Variants in CCDC102B observed in about 807,000 individuals in gnomAD.
CCDC102B encodes coiled-coil domain containing 102B, also known as coiled-coil domain-containing protein 102B.
In CCDC102B, 75 loss-of-function variants were observed where a neutral mutation model predicts 57.4. That is an observed-to-expected ratio of 1.31 (90% CI 1.08 to 1.58). The LOEUF is 1.58. Ranked by LOEUF, CCDC102B falls within the 40% of genes most tolerant of loss-of-function variation. CCDC102B has a pLI of 0.00. For synonymous variants in CCDC102B, 206 were observed against 201.9 expected, an observed-to-expected ratio of 1.02 and a Z score of -0.17; for missense variants, 636 against 582.6, an observed-to-expected ratio of 1.09 and a Z score of -0.94.
At chr18:68,768,580 T>C (rs189234297) in intron 2 of CCDC102B, among the ~76,000 whole-genome samples, 198 of 152,310 alleles carry the variant, frequency 1.3e-3, no homozygotes, top group African/African-American at 4.0e-3. Context: ...TAGCAAATTA[T>C]AATATTTAGT....
intron 6 of CCDC102B, among the ~76,000 whole-genome samples, chr18:69,010,593 G>A (rs1391930468): frequency 6.6e-6 from 1 of 152,076 alleles, no homozygotes; most frequent in Non-Finnish European, 1.5e-5. Context: ...TGGATGATCA[G>A]GATGAACAGC....
chr18:69,014,861 C>G (rs148076013), intron 7 of CCDC102B, among the ~76,000 whole-genome samples: 1 of 151,548 alleles, frequency 6.6e-6, no homozygotes, highest in Non-Finnish European at 1.5e-5. Flanking sequence ...TGGAACGTTG[C>G]TTGGGTACCT....
In CCDC102B at chr18:68,837,327, G is replaced by T; in HGVS notation, c.564G>T (p.Leu188Phe). 6.2e-7 allele frequency: 1 copy of T among 1,610,112 alleles called. No homozygotes were observed. The highest frequency in any genetic ancestry group is 8.5e-7 in the Non-Finnish European group (1 of 1,178,464). Reference protein sequence around the residue: ...SQMHESIREYLVKRQFSTKED... With the variant: ...SQMHESIREYFVKRQFSTKED... ...TGCATGAGTCTATCAGAGAGTATTT[G>T]GTAAAAAGACAATTTTCTACAAAGG... Residue 188 changes from leucine (L) to phenylalanine (F), a missense_variant, in exon 2 of 8, where the codon TTG becomes TTT. Leu to Phe is a conservative substitution (Grantham distance 22, BLOSUM62 0). Transcript: ENST00000360242.
intron 5 of CCDC102B, among the ~76,000 whole-genome samples, chr18:68,886,919 A>T (rs1490842701): frequency 6.6e-6 from 1 of 152,074 alleles, no homozygotes; most frequent in African/African-American, 2.4e-5. Context: ...CATTTTCTTG[A>T]CATTTAGAGT....
chr18:68,929,843 C>CACAT (rs1555728151), intron 6 of CCDC102B, among the ~76,000 whole-genome samples: 2 of 151,490 alleles, frequency 1.3e-5, no homozygotes, highest in South Asian at 2.1e-4. Context: ...CACACACACA[C>CACAT]ATATATATAT....
At chr18:68,913,496 A>G (rs145176977) in intron 6 of CCDC102B, among the ~76,000 whole-genome samples, 5 of 152,106 alleles carry the variant, frequency 3.3e-5, no homozygotes, top group Admixed American at 2.0e-4. Flanking sequence ...AAAACACACA[A>G]ATTAGCCAGG....
chr18:68,990,972 T>C (rs190036890), intron 6 of CCDC102B, among the ~76,000 whole-genome samples: 9 of 152,162 alleles, frequency 5.9e-5, no homozygotes, highest in African/African-American at 2.2e-4. Flanking sequence ...TTTTCTGGGT[T>C]ACTGTATTCC....
rs181315179 is a variant in CCDC102B at position 69,054,584 on chromosome 18, G to A, written c.*447G>A. 7.6e-4 allele frequency: 754 copies of A among 986,206 alleles called. 4 individuals are homozygous for A. The African/African-American group carries it at 8.9e-3, about 12-fold the overall frequency. 61.1% of individuals were successfully genotyped at this position (986,206 alleles called of 1,614,324 possible). A position where few individuals can be genotyped will look rare whatever the true frequency, so the allele number is the denominator to read the frequency against. On this transcript the variant is annotated 3_prime_UTR_variant, in exon 8 of 8. Coordinates refer to ENST00000360242, the MANE Select transcript of CCDC102B (RefSeq NM_024781.3). ...GTTGTCTATGTGGTGGGGATGGCAGGTTGTATTAACAAAAATGAATCATTC... is the reference window on the plus strand; with the variant it reads ...GTTGTCTATGTGGTGGGGATGGCAGATTGTATTAACAAAAATGAATCATTC...
At chr18:68,966,782 T>C (rs1172644657) in intron 6 of CCDC102B, among the ~76,000 whole-genome samples, 1 of 151,980 alleles carries the variant, frequency 6.6e-6, no homozygotes, top group Non-Finnish European at 1.5e-5. Context: ...TTCTCAAGAG[T>C]TTTGCCCTTT....
At chr18:69,020,721 A>T (rs577071216) in intron 7 of CCDC102B, among the ~76,000 whole-genome samples, 1 of 152,212 alleles carries the variant, frequency 6.6e-6, no homozygotes, top group African/African-American at 2.4e-5. Context: ...CACAGTCAAC[A>T]TGCAAATAAT....
chr18:68,772,402 A>C (rs2034669961), intron 2 of CCDC102B, among the ~76,000 whole-genome samples: 1 of 152,204 alleles, frequency 6.6e-6, no homozygotes, highest in Non-Finnish European at 1.5e-5. Flanking sequence ...TGTAGAGTAC[A>C]AATTATCTGC....
chr18:68,750,608 AC>A (rs967715634), intron 2 of CCDC102B, among the ~76,000 whole-genome samples: 2 of 152,160 alleles, frequency 1.3e-5, no homozygotes, highest in Non-Finnish European at 2.9e-5. Flanking sequence ...ATCATGGAAT[AC>A]CATGCAGCTG....
chr18:68,897,681 A>C, intron 6 of CCDC102B: 2 of 1,368,808 alleles, frequency 1.5e-6, no homozygotes, highest in Non-Finnish European at 1.9e-6. Flanking sequence ...AAGAAAAATG[A>C]AGTAAGAAAT....
intron 1 of CCDC102B, among the ~76,000 whole-genome samples, chr18:68,822,498 A>T (rs2036731549): frequency 6.6e-6 from 1 of 151,580 alleles, no homozygotes; most frequent in South Asian, 2.1e-4. Flanking sequence ...AACTGTGATT[A>T]TTTAATACTA....
intron 2 of CCDC102B, among the ~76,000 whole-genome samples, chr18:68,733,084 C>T (rs1223797951): frequency 3.9e-5 from 6 of 152,002 alleles, no homozygotes; most frequent in African/African-American, 7.2e-5. Flanking sequence ...TATGTAAATT[C>T]GCAAGTCTTT....
upstream of CCDC102B, among the ~76,000 whole-genome samples, chr18:68,793,081 G>A (rs2035515358): frequency 6.6e-6 from 1 of 152,128 alleles, no homozygotes; most frequent in African/African-American, 2.4e-5. Context: ...GGTCTCTCCT[G>A]ATTAATGAAG....
chr18:69,002,597 T>G (rs1251667367), intron 6 of CCDC102B, among the ~76,000 whole-genome samples: 1 of 152,178 alleles, frequency 6.6e-6, no homozygotes, highest in African/African-American at 2.4e-5. Context: ...GAAAAACATT[T>G]TCTTGGTTTT....
At chr18:68,752,497 G>A (rs1266200262) in intron 2 of CCDC102B, among the ~76,000 whole-genome samples, 1 of 145,264 alleles carries the variant, frequency 6.9e-6, no homozygotes, top group African/African-American at 2.5e-5. Context: ...AAAAAAACAA[G>A]CACAACCAAC....
chr18:68,750,730 A>G (rs2033812276), intron 2 of CCDC102B, among the ~76,000 whole-genome samples: 1 of 147,746 alleles, frequency 6.8e-6, no homozygotes, highest in Non-Finnish European at 1.5e-5. Context: ...GTTCTCACTC[A>G]TAGGTGGGAA....
Sources: allele counts gnomAD v4.1 joint callset (sites outside exome capture counted in the v4.1 genomes callset), GRCh38; gene constraint gnomAD v4.1.1; transcripts MANE v1.5; gene names NCBI Gene and HGNC (gene_info 2026-07-23, HGNC 2026-07-21).